The following CAMK4 variants were observed in gnomAD, a reference collection of about 807,000 sequenced individuals.
CAMK4 encodes the protein calcium/calmodulin dependent protein kinase IV.
In CAMK4, 22 loss-of-function variants were observed where a neutral mutation model predicts 44.9. The ratio of observed to expected loss-of-function variants is 0.49; its 90% CI spans 0.35 to 0.70. The LOEUF (loss-of-function observed/expected upper bound fraction) is 0.70, where lower values mean the gene tolerates loss of function less well. Among genes scored for constraint, CAMK4 ranks in the 30% least tolerant of loss-of-function variants. The pLI is 0.01. For missense variants in CAMK4, 498 were observed against 586.8 expected (o/e 0.85, Z 1.56); for synonymous variants, 218 against 215.4 (o/e 1.01, Z -0.11).
At chr5:111,431,640 A>C (rs1420797773) in intron 5 of CAMK4, among the ~76,000 whole-genome samples, 1 of 152,146 alleles carries the variant, frequency 6.6e-6, no homozygotes, top group Non-Finnish European at 1.5e-5. Flanking sequence ...CCAGATTATA[A>C]AAGGAACTCA....
intron 5 of CAMK4, among the ~76,000 whole-genome samples, chr5:111,435,230 G>A (rs1753603013): frequency 6.6e-6 from 1 of 151,908 alleles, no homozygotes; most frequent in Non-Finnish European, 1.5e-5. Context: ...TTTGCTTTAG[G>A]AATCATTTAT....
intron 1 of CAMK4, among the ~76,000 whole-genome samples, chr5:111,232,762 TA>T (rs1748537226): frequency 6.6e-6 from 1 of 151,132 alleles, no homozygotes; most frequent in Non-Finnish European, 1.5e-5. Context: ...ACTGATGATG[TA>T]AATTTTTTTT....
At chr5:111,352,746 C>T (rs1262683447) in intron 2 of CAMK4, among the ~76,000 whole-genome samples, 2 of 151,786 alleles carry the variant, frequency 1.3e-5, no homozygotes, top group African/African-American at 4.8e-5. Context: ...AAGGGAACTA[C>T]TCTTGCAATA....
intron 7 of CAMK4, among the ~76,000 whole-genome samples, chr5:111,465,503 T>C (rs1016873906): frequency 8.6e-5 from 13 of 152,020 alleles, no homozygotes; most frequent in African/African-American, 2.2e-4. Flanking sequence ...ATAAGCTCAA[T>C]TGGAAACACA....
At chr5:111,480,996 C>CT (rs1391012306) in intron 9 of CAMK4, among the ~76,000 whole-genome samples, 1 of 152,162 alleles carries the variant, frequency 6.6e-6, no homozygotes, top group African/African-American at 2.4e-5. Flanking sequence ...TCGGCAGAGA[C>CT]TAAGTGCTAA....
chr5:111,251,806 C>T (rs1488515845), intron 1 of CAMK4, among the ~76,000 whole-genome samples: 1 of 152,158 alleles, frequency 6.6e-6, no homozygotes, highest in African/African-American at 2.4e-5. Flanking sequence ...TCCTGGTACA[C>T]AAGGTACATT....
chr5:111,248,445 C>G (rs933619254), intron 1 of CAMK4, among the ~76,000 whole-genome samples: 2 of 151,384 alleles, frequency 1.3e-5, no homozygotes, highest in African/African-American at 4.9e-5. Flanking sequence ...CATCTTAGCA[C>G]TTACTTTTTA....
chr5:111,351,977 C>A (rs913537229), intron 2 of CAMK4, among the ~76,000 whole-genome samples: 3 of 152,046 alleles, frequency 2.0e-5, no homozygotes, highest in African/African-American at 7.2e-5. Flanking sequence ...ACTGTGAGTT[C>A]AAATTCAAAA....
intron 2 of CAMK4, among the ~76,000 whole-genome samples, chr5:111,346,482 T>TTATCTATC (rs58011893): frequency 0.25 from 36,890 of 149,826 alleles, 4,704 homozygotes; most frequent in South Asian, 0.39. Context: ...GCTTGAAACT[T>TTATCTATC]TATCTATCTA....
chr5:111,330,437 A>C (rs1280714958), intron 1 of CAMK4, among the ~76,000 whole-genome samples: 1 of 151,606 alleles, frequency 6.6e-6, no homozygotes, highest in Non-Finnish European at 1.5e-5. Context: ...GATTCAATAT[A>C]ATCCTAATTA....
intron 1 of CAMK4, among the ~76,000 whole-genome samples, chr5:111,264,927 C>T (rs1457421062): frequency 1.3e-5 from 2 of 152,110 alleles, no homozygotes; most frequent in East Asian, 3.9e-4. Context: ...GACTGGCTTT[C>T]TTGCCGTTGA....
rs111741356 is a variant in CAMK4, at chr5:111,356,794, G to A, written c.240+12692G>A. 3.2e-3 allele frequency among the ~76,000 whole-genome samples: 489 copies of A among 152,236 alleles called. 4 individuals carry two copies. Among genetic ancestry groups the A allele is most frequent in the African/African-American group, 0.011 (461 of 41,562 alleles). On this transcript the variant is annotated intron_variant, in intron 2 of 10. Coordinates refer to ENST00000282356, the MANE Select transcript of CAMK4 (RefSeq NM_001744.6). The stretch of plus-strand genomic sequence containing the variant: ...CCCATTTCTTGTTTTTGTCAGGTTT[G>A]TCAAAGATCAGATAGTTGTAGATAT...
At chr5:111,360,838 G>T (rs920326932) in intron 2 of CAMK4, among the ~76,000 whole-genome samples, 1 of 152,014 alleles carries the variant, frequency 6.6e-6, no homozygotes, top group Non-Finnish European at 1.5e-5. Flanking sequence ...CATCTAGAAA[G>T]AATATATTGC....
intron 5 of CAMK4, among the ~76,000 whole-genome samples, chr5:111,440,862 T>C (rs550494476): frequency 5.9e-5 from 9 of 152,316 alleles, no homozygotes; most frequent in Admixed American, 5.2e-4. Context: ...GATTGCTCAA[T>C]GTGATGTATT....
chr5:111,415,605 C>T (rs1235953320), intron 5 of CAMK4, among the ~76,000 whole-genome samples: 1 of 152,076 alleles, frequency 6.6e-6, no homozygotes, highest in Non-Finnish European at 1.5e-5. Flanking sequence ...CAGTATTATC[C>T]ATGGTTTCAG....
intron 2 of CAMK4, among the ~76,000 whole-genome samples, chr5:111,347,679 C>T (rs1435293732): frequency 6.6e-6 from 1 of 151,990 alleles, no homozygotes; most frequent in African/African-American, 2.4e-5. Flanking sequence ...GTCCAGATTT[C>T]TCTCTTCTTA....
intron 7 of CAMK4, among the ~76,000 whole-genome samples, chr5:111,470,174 C>T (rs994521971): frequency 2.0e-5 from 3 of 152,240 alleles, no homozygotes; most frequent in Non-Finnish European, 2.9e-5. Flanking sequence ...GGAAAGTTCA[C>T]TGTCAGGGCT....
intron 5 of CAMK4, among the ~76,000 whole-genome samples, chr5:111,431,767 A>G (rs2112940533): frequency 6.6e-6 from 1 of 152,320 alleles, no homozygotes; most frequent in East Asian, 1.9e-4. Flanking sequence ...AAAGTACTCA[A>G]CATCATTGAT....
intron 2 of CAMK4, among the ~76,000 whole-genome samples, chr5:111,353,657 C>G (rs1028788417): frequency 6.6e-6 from 1 of 152,014 alleles, no homozygotes; most frequent in East Asian, 1.9e-4. Flanking sequence ...AGTAAAGTTT[C>G]AGAATATATA....
Sources: allele counts gnomAD v4.1 joint callset (sites outside exome capture counted in the v4.1 genomes callset), GRCh38; gene constraint gnomAD v4.1.1; transcripts MANE v1.5; gene names NCBI Gene and HGNC (gene_info 2026-07-23, HGNC 2026-07-21).